The following CAPZB variants were observed in gnomAD, a reference collection of about 807,000 sequenced individuals.
The protein encoded by CAPZB is capping actin protein of muscle Z-line subunit beta, also known as F-actin-capping protein subunit beta.
Under a neutral mutation model 38.1 loss-of-function variants are expected in CAPZB, and 2 were observed. The ratio of observed to expected loss-of-function variants is 0.05; its 90% CI spans 0.02 to 0.17. CAPZB has a LOEUF of 0.17. Among genes scored for constraint, CAPZB ranks in the 10% least tolerant of loss-of-function variants. The pLI, the probability that CAPZB is intolerant of heterozygous loss-of-function variation, is 1.00. For missense variants in CAPZB, 161 were observed against 334.2 expected, an observed-to-expected ratio of 0.48 and a Z score of 4.04; for synonymous variants, 107 against 127.4, an observed-to-expected ratio of 0.84 and a Z score of 1.08.
chr1:19,418,073 T>C (rs2094387363), intron 2 of CAPZB, among the ~76,000 whole-genome samples: 2 of 130,124 alleles, frequency 1.5e-5, no homozygotes, highest in African/African-American at 3.0e-5. Context: ...GAGGCGGAGA[T>C]TGCAGAGAAC....
At chr1:19,366,342 T>C (rs1475384947) in intron 4 of CAPZB, among the ~76,000 whole-genome samples, 2 of 145,320 alleles carry the variant, frequency 1.4e-5, no homozygotes, top group African/African-American at 5.3e-5. Flanking sequence ...GGACACTTTT[T>C]GCTGTACTGG....
chr1:19,367,574 G>A lies in CAPZB; in HGVS notation c.330-10011C>T, dbSNP rs150032166. On this transcript the variant is annotated intron_variant, in intron 4 of 8. Transcript: ENST00000264202. ...GAAACTCAACCACCCTTGTTTGTGTGTTGAGACCAGCTGTTTTCACCATGG... is the reference window on the plus strand; with the variant it reads ...GAAACTCAACCACCCTTGTTTGTGTATTGAGACCAGCTGTTTTCACCATGG... Among the ~76,000 whole-genome samples the A allele has an allele frequency of 1.8e-3, 273 of 152,336 alleles. 1 individual carries two copies. Among genetic ancestry groups the A allele is most frequent in the African/African-American group, 5.4e-3 (225 of 41,570 alleles).
At chr1:19,465,627 T>C (rs2094566427) in intron 1 of CAPZB, among the ~76,000 whole-genome samples, 1 of 152,178 alleles carries the variant, frequency 6.6e-6, no homozygotes, top group Admixed American at 6.5e-5. Flanking sequence ...GGTCCATTGC[T>C]GGGTTCCTGT....
chr1:19,355,934 C>T (rs2094018742), intron 6 of CAPZB, among the ~76,000 whole-genome samples: 2 of 152,132 alleles, frequency 1.3e-5, no homozygotes, highest in Non-Finnish European at 1.5e-5. Flanking sequence ...GGTAGAAGGG[C>T]GGGCAAGTTT....
At chr1:19,428,432 G>T (rs1570241434) in intron 1 of CAPZB, among the ~76,000 whole-genome samples, 2 of 149,588 alleles carry the variant, frequency 1.3e-5, no homozygotes, top group Admixed American at 6.7e-5. Context: ...AAAAAAAAAA[G>T]AAAAAGAAAA....
chr1:19,459,645 C>T (rs765708733), intron 1 of CAPZB, among the ~76,000 whole-genome samples: 2 of 152,210 alleles, frequency 1.3e-5, no homozygotes, highest in Non-Finnish European at 2.9e-5. Flanking sequence ...ATCGTCCACC[C>T]TTCCACTTGG....
chr1:19,350,611 A>T (rs202146429), intron 6 of CAPZB, among the ~76,000 whole-genome samples: 1 of 151,516 alleles, frequency 6.6e-6, no homozygotes, highest in East Asian at 1.9e-4. Context: ...TAGTAGCAGT[A>T]ATTGTTTTTA....
intron 1 of CAPZB, among the ~76,000 whole-genome samples, chr1:19,470,545 G>A (rs567504421): frequency 6.6e-6 from 1 of 152,322 alleles, no homozygotes; most frequent in South Asian, 2.1e-4. Context: ...CTAAGTTTAT[G>A]TGGCAGAAAA....
chr1:19,472,787 G>A (rs1215170326), intron 1 of CAPZB, among the ~76,000 whole-genome samples: 2 of 142,862 alleles, frequency 1.4e-5, no homozygotes, highest in African/African-American at 5.5e-5. Context: ...GCACGATCTC[G>A]GCTCACTGCA....
At chr1:19,373,011 G>A (rs1434859675) in intron 4 of CAPZB, among the ~76,000 whole-genome samples, 9 of 152,152 alleles carry the variant, frequency 5.9e-5, no homozygotes, top group African/African-American at 1.7e-4. Flanking sequence ...AAGCATTTGC[G>A]CAAACTGGCT....
rs372881759 is a variant in CAPZB, at chr1:19,364,319, C to A, written c.330-6756G>T. On this transcript the variant is annotated intron_variant, in intron 4 of 8. Coordinates refer to ENST00000264202, the MANE Select transcript of CAPZB (RefSeq NM_004930.5). ...CAGGGCCTGTATGAGGCAGACTGAG[C>A]ACCACAGGGCAGGTTCCTAACATCT... 7.9e-5 allele frequency among the ~76,000 whole-genome samples: 12 copies of A among 152,328 alleles called. 1 individual carries two copies. The highest frequency in any genetic ancestry group is 1.3e-4 in the Admixed American group (2 of 15,310).
At chr1:19,358,889 T>C (rs1378437780) in intron 4 of CAPZB, among the ~76,000 whole-genome samples, 1 of 152,118 alleles carries the variant, frequency 6.6e-6, no homozygotes, top group African/African-American at 2.4e-5. Context: ...ACTGGGTGGG[T>C]ACAGGCTTGG....
chr1:19,449,002 A>T lies in CAPZB; in HGVS notation c.4-29252T>A, dbSNP rs899569987. ...AAGTGGAAACATGACGTGACTAGGG[A>T]CGCTGCCCCAGGCTGCTCGCTGCCC... On this transcript the variant is annotated intron_variant, in intron 1 of 8. Transcript: ENST00000264202. 1.1e-5 allele frequency: 18 copies of T among 1,570,982 alleles called. No homozygotes were observed. In the African/African-American group the frequency reaches 1.9e-4, roughly 16 times the overall value.
intron 2 of CAPZB, among the ~76,000 whole-genome samples, chr1:19,415,160 G>A (rs2094373585): frequency 2.6e-5 from 4 of 152,216 alleles, no homozygotes; most frequent in Admixed American, 6.5e-5. Context: ...TTCCCTTCAT[G>A]GGGAATGCTG....
At chr1:19,425,188 A>T (rs147572667) in intron 1 of CAPZB, among the ~76,000 whole-genome samples, 6 of 152,260 alleles carry the variant, frequency 3.9e-5, no homozygotes, top group African/African-American at 1.2e-4. Flanking sequence ...CTCCTTCAAA[A>T]CTCTGACTGG....
At position 19,344,572 on chromosome 1, in the gene CAPZB, C is replaced by T. The variant is rs147297472; in HGVS notation, c.655-138G>A. The T allele has an allele frequency of 8.2e-4, 572 of 695,344 alleles. 1 individual carries two copies. The highest frequency in any genetic ancestry group is 7.8e-3 in the African/African-American group (442 of 56,926). The allele number at this position is 695,344 out of a possible 1,614,324, so 43.1% of individuals were successfully genotyped here. A position where few individuals can be genotyped will look rare whatever the true frequency, so the allele number is the denominator to read the frequency against. On this transcript the variant is annotated intron_variant, in intron 7 of 8. Transcript: ENST00000264202. ...ACGCCTGCTCTGGGGCATCAGTGAGCGCGCTCCAGGCTGCCAAGACCCCAC... is the reference window on the plus strand; with the variant it reads ...ACGCCTGCTCTGGGGCATCAGTGAGTGCGCTCCAGGCTGCCAAGACCCCAC...
At chr1:19,478,553 G>A (rs2094615347) in intron 1 of CAPZB, among the ~76,000 whole-genome samples, 1 of 152,178 alleles carries the variant, frequency 6.6e-6, no homozygotes, top group Admixed American at 6.5e-5. Context: ...AGAAACATGT[G>A]GGGTGACCAT....
chr1:19,342,719 T>A, intron 8 of CAPZB: 1 of 1,367,390 alleles, frequency 7.3e-7, no homozygotes, highest in African/African-American at 1.4e-5. Flanking sequence ...CCTGTTTTAG[T>A]GGGGAGGGTC....
intron 8 of CAPZB, among the ~76,000 whole-genome samples, chr1:19,342,124 G>A (rs780289539): frequency 1.3e-5 from 2 of 152,366 alleles, no homozygotes; most frequent in African/African-American, 2.4e-5. Flanking sequence ...AGGAACAGCT[G>A]CAGCTCGTTA....
Sources: allele counts gnomAD v4.1 joint callset (sites outside exome capture counted in the v4.1 genomes callset), GRCh38; gene constraint gnomAD v4.1.1; transcripts MANE v1.5; gene names NCBI Gene and HGNC (gene_info 2026-07-23, HGNC 2026-07-21).